The following DDX56 variants were observed in gnomAD, a reference collection of about 807,000 sequenced individuals.
DDX56 encodes probable ATP-dependent RNA helicase DDX56.
DDX56 carries 45 observed loss-of-function variants against 61.5 expected under a neutral mutation model. The ratio of observed to expected loss-of-function variants is 0.73; its 90% CI spans 0.58 to 0.94. DDX56 has a LOEUF of 0.94. Among genes scored for constraint, DDX56 ranks in the 40% least tolerant of loss-of-function variants. The probability of loss-of-function intolerance (pLI) is 0.00; values close to 1 mark genes in which losing one functional copy is unlikely to be tolerated. For synonymous variants in DDX56, 273 were observed against 268.3 expected (o/e 1.02, Z -0.17); for missense variants, 708 against 690.7 (o/e 1.02, Z -0.28).
At chr7:44,569,617 C>G in intron 9 of DDX56, 192 bp downstream of exon 9, 1 of 630,040 alleles carries the variant, frequency 1.6e-6, no homozygotes. Context: ...GTAAACACAA[C>G]TTTGGACAAA....
At chr7:44,571,385 T>C (rs1232284850) in intron 6 of DDX56, 107 bp downstream of exon 6, 1 of 1,354,396 alleles carries the variant, frequency 7.4e-7, no homozygotes, top group Non-Finnish European at 1.0e-6. Flanking sequence ...ATCAGTCACA[T>C]CTAGAACCTG....
In DDX56 at chr7:44,566,482, C is replaced by T. The variant is rs371305217; in HGVS notation, c.1532G>A (p.Arg511Gln). 1.9e-5 allele frequency: 30 copies of T among 1,565,634 alleles called. No individual in the cohort carries two copies. The East Asian group carries it at 2.9e-4, about 15-fold the overall frequency. The change falls in exon 13 of 14, where the codon CGG becomes CAG. Residue 511 changes from arginine to glutamine, a missense_variant. Transcript: ENST00000258772. ...CCTACAAGAGGAAGACAGCTTCTTC[C>T]GCTTCTTGTGAGGGCGCACCAGGCC... The part of the protein sequence containing the change: ...LRGLVRPHKK[R>Q]KKLSSSCRKA...
intron 9 of DDX56, 120 bp downstream of exon 9, chr7:44,569,689 T>A: frequency 1.2e-6 from 1 of 858,330 alleles, no homozygotes; most frequent in Non-Finnish European, 1.9e-6. Context: ...AGAACAAGGA[T>A]GGATGGTGGA....
intron 11 of DDX56, 30 bp downstream of exon 11, chr7:44,568,873 C>T (rs766938053): frequency 1.3e-6 from 2 of 1,566,416 alleles, no homozygotes; most frequent in Non-Finnish European, 1.8e-6. Context: ...CGTCTAAGAT[C>T]TATCCCCTTC....
At chr7:44,570,164 T>C (rs1309565144) in intron 7 of DDX56, 36 bp from the exon 8 acceptor site, 1 of 1,609,620 alleles carries the variant, frequency 6.2e-7, no homozygotes, top group African/African-American at 1.3e-5. Context: ...GGACCCTTCC[T>C]CTCCTCTGGG....
chr7:44,572,905 T>C lies in DDX56; in HGVS notation c.368A>G (p.Asp123Gly). ...TTTTACCCACCTCTGAGAGACTGAGTCTTCAGCAGCTGAGACATTGGCCAC... is the reference window on the plus strand; with the variant it reads ...TTTTACCCACCTCTGAGAGACTGAGCCTTCAGCAGCTGAGACATTGGCCAC... ...VRVANVSAAEDSVSQRAVLME... is the reference protein window; with the variant it reads ...VRVANVSAAEGSVSQRAVLME... Residue 123 changes from aspartate (D) to glycine (G), a missense_variant, in exon 3 of 14, where the codon GAC (aspartate) becomes GGC (glycine). Asp to Gly is a moderately conservative substitution (Grantham distance 94, BLOSUM62 -1). Transcript: ENST00000258772. 6.3e-7 allele frequency: 1 copy of C among 1,593,256 alleles called. No individual in the cohort carries two copies. The highest frequency in any genetic ancestry group is 8.6e-7 in the Non-Finnish European group (1 of 1,168,360).
rs757304943 is a variant in DDX56 at position 44,570,827 on chromosome 7, G to C, written c.941C>G (p.Ala314Gly). The C allele has an allele frequency of 6.2e-7, 1 of 1,614,074 alleles. No individual in the cohort carries two copies. The highest frequency in any genetic ancestry group is 1.1e-5 in the South Asian group (1 of 91,086). The stretch of plus-strand genomic sequence containing the variant: ...GGCCCCCAGGACTTCAGCATCAGTT[G>C]CTATGACACAGTCGTAGAAGCCTTG... ...FNQGFYDCVI[A>G]TDAEVLGAPV... The change falls in exon 7 of 14, where the codon GCA (alanine) becomes GGA (glycine). Residue 314 changes from alanine (A) to glycine (G), a missense_variant. Physicochemically the swap from Ala to Gly is moderately conservative, Grantham distance 60. Transcript: ENST00000258772.
chr7:44,570,162 C>T, intron 7 of DDX56, 34 bp from the exon 8 acceptor site: 1 of 1,610,412 alleles, frequency 6.2e-7, no homozygotes, highest in Non-Finnish European at 8.5e-7. Flanking sequence ...CCGGACCCTT[C>T]CTCTCCTCTG....
Position 44,568,137 on chromosome 7 carries a change from G to A in DDX56, c.1470C>T (p.Gly490=), listed in dbSNP as rs371028247. ...LHPAVVKPHL[G]HVPDYLVPPA... ...ACTCACCCAGGTAGTCAGGAACATGGCCCAGGTGGGGCTTCACCACTGCGG... is the reference window on the plus strand; with the variant it reads ...ACTCACCCAGGTAGTCAGGAACATGACCCAGGTGGGGCTTCACCACTGCGG... The change falls in exon 12 of 14, where the codon GGC becomes GGT. Residue 490 remains glycine (G), a synonymous_variant. Coordinates refer to ENST00000258772, the MANE Select transcript of DDX56 (RefSeq NM_019082.4). 1,249 of 1,614,010 alleles carry A rather than the reference G, an allele frequency of 7.7e-4. No homozygotes were observed. The highest frequency in any genetic ancestry group is 9.8e-4 in the Non-Finnish European group (1,154 of 1,179,868).
chr7:44,570,518 G>A (rs1802643835), intron 7 of DDX56, among the ~76,000 whole-genome samples: 1 of 152,202 alleles, frequency 6.6e-6, no homozygotes, highest in Admixed American at 6.5e-5. Context: ...CCCCTGCAGG[G>A]CTCTGCATGC....
Position 44,572,383 on chromosome 7 carries a change from G to C in DDX56, c.609C>G (p.Asp203Glu). Residue 203 changes from aspartate (D) to glutamate (E), a missense_variant, in exon 5 of 14, where the codon GAC becomes GAG. Coordinates refer to ENST00000258772, the MANE Select transcript of DDX56 (RefSeq NM_019082.4). ...ATATCAGCTCCTTGAGTGCTTGTACGTCCTCGTTAAAAGTAGCTGACATGA... is the reference window on the plus strand; with the variant it reads ...ATATCAGCTCCTTGAGTGCTTGTACCTCCTCGTTAAAAGTAGCTGACATGA... ...AFLMSATFNEDVQALKELILH... is the reference protein window; with the variant it reads ...AFLMSATFNEEVQALKELILH... The C allele has an allele frequency of 1.9e-6, 3 of 1,614,068 alleles. No homozygotes were observed. Among genetic ancestry groups the C allele is most frequent in the Non-Finnish European group, 2.5e-6 (3 of 1,180,008 alleles).
chr7:44,566,089 C>T lies in DDX56; in HGVS notation c.1567-10G>A, dbSNP rs56073027. ...TCTGGGACTTTGCTCTCTAAGGAGG[C>T]AAAGTCACAGGTTAGTTGGGGGAAT... On this transcript the variant is annotated splice_polypyrimidine_tract_variant and intron_variant, in intron 13 of 13. Transcript: ENST00000258772. The T allele has an allele frequency of 4.3e-3, 6,883 of 1,596,156 alleles. 20 individuals carry two copies. The highest frequency in any genetic ancestry group is 5.2e-3 in the Non-Finnish European group (6,037 of 1,169,096).
At chr7:44,567,057 C>T (rs1802558204) in intron 12 of DDX56, among the ~76,000 whole-genome samples, 1 of 152,130 alleles carries the variant, frequency 6.6e-6, no homozygotes, top group Non-Finnish European at 1.5e-5. Flanking sequence ...GACTGGGTTC[C>T]TGAGGCCAAA....
chr7:44,572,241 G>A, intron 5 of DDX56, 106 bp downstream of exon 5: 2 of 904,908 alleles, frequency 2.2e-6, no homozygotes, highest in Admixed American at 4.4e-5. Flanking sequence ...GACACTAAGT[G>A]ACAACTGTCC....
Position 44,573,008 on chromosome 7 carries a change from C to G in DDX56, c.265G>C (p.Val89Leu), listed in dbSNP as rs377408118. Residue 89 changes from valine (V) to leucine (L), a missense_variant, in exon 3 of 14, where the codon GTT becomes CTT. By Grantham distance (32) the Val-to-Leu change is conservative. Transcript: ENST00000258772. ...TGCCGTGCCAGCTCCTTGGTAGGAA[C>G]AAGAACAAGGCCTCTCACTGCCTGT... The part of the protein sequence containing the change: ...VEQAVRGLVL[V>L]PTKELARQAQ... 39 of 1,610,426 alleles carry G rather than the reference C, an allele frequency of 2.4e-5. No homozygotes were observed. In the African/African-American group the frequency reaches 4.8e-4, roughly 20 times the overall value.
rs217374 is a variant in DDX56, at chr7:44,572,748, G to T, written c.384-4C>A. 6.2e-7 allele frequency: 1 copy of T among 1,613,934 alleles called. No individual in the cohort carries two copies. Among genetic ancestry groups the T allele is most frequent in the Non-Finnish European group, 8.5e-7 (1 of 1,179,904 alleles). Reference sequence around the variant, plus strand: ...TGGCTTCTCCATCAGCACAGCTCTGGAGGTGGACAAGACATCAGTATCAGG... The same window carrying T: ...TGGCTTCTCCATCAGCACAGCTCTGTAGGTGGACAAGACATCAGTATCAGG... On this transcript the variant is annotated splice_polypyrimidine_tract_variant and splice_region_variant and intron_variant, in intron 3 of 13. Transcript: ENST00000258772.
At chr7:44,568,079 C>T (rs1420761410) in intron 12 of DDX56, 39 bp downstream of exon 12, 1 of 1,516,882 alleles carries the variant, frequency 6.6e-7, no homozygotes, top group Non-Finnish European at 9.1e-7. Context: ...ATGCCACTTC[C>T]CCAGCCTGCT....
Position 44,571,625 on chromosome 7 carries a change from T to C in DDX56, c.757A>G (p.Lys253Glu). 1 of 1,614,166 alleles carries C rather than the reference T, an allele frequency of 6.2e-7. No individual in the cohort carries two copies. Among genetic ancestry groups the C allele is most frequent in the South Asian group, 1.1e-5 (1 of 91,080 alleles). The change falls in exon 6 of 14, where the codon AAG becomes GAG. Residue 253 changes from lysine to glutamate, a missense_variant. Transcript: ENST00000258772. ...GACTTGCCCCGAATCAATGACAGCT[T>C]GAGCAGGGCATACAGCAGGAGGAAT... is the stretch of plus-strand genomic sequence containing the variant. ...DKFLLLYALL[K>E]LSLIRGKSLL...
chr7:44,572,697 C>T lies in DDX56; in HGVS notation c.431G>A (p.Arg144His), dbSNP rs961816288. 3 of 1,614,068 alleles carry T rather than the reference C, an allele frequency of 1.9e-6. No homozygotes were observed. The highest frequency in any genetic ancestry group is 2.5e-6 in the Non-Finnish European group (3 of 1,180,042). Residue 144 changes from arginine (R) to histidine (H), a missense_variant, in exon 4 of 14, where the codon CGC becomes CAC. Coordinates refer to ENST00000258772, the MANE Select transcript of DDX56 (RefSeq NM_019082.4). The part of the protein sequence containing the change: ...KPDVVVGTPS[R>H]ILSHLQQDSL... ...GTCTTGCTGCAAGTGGCTTAATATG[C>T]GAGATGGGGTCCCTACTACCACATC...
Sources: gnomAD v4.1 joint callset for allele counts (sites outside exome capture counted in the v4.1 genomes callset) on GRCh38, gnomAD v4.1.1 for gene constraint, MANE v1.5 for transcripts, NCBI Gene and HGNC (gene_info 2026-07-23, HGNC 2026-07-21) for gene names.